The following SLC22A11 variants were observed in gnomAD, a reference collection of about 807,000 sequenced individuals.
SLC22A11 encodes organic anion transporter 4.
In SLC22A11, 42 loss-of-function variants were observed where a neutral mutation model predicts 49.4. That is an observed-to-expected ratio of 0.85 (90% CI 0.66 to 1.10). SLC22A11 has a LOEUF of 1.10. SLC22A11 is among the 50% of genes least tolerant of loss of function. SLC22A11 has a pLI of 0.00. For synonymous variants in SLC22A11, 304 were observed against 315.8 expected, an observed-to-expected ratio of 0.96 and a Z score of 0.40; for missense variants, 685 against 731.6, an observed-to-expected ratio of 0.94 and a Z score of 0.74.
chr11:64,562,388 C>T lies in SLC22A11; in HGVS notation c.774C>T (p.Leu258=). ...TTGCCCTGCGGGACTGGAGGACTCT[C>T]CAGCTGGCAGCATCAGTGCCCTTCT... ...LAFALRDWRT[L]QLAASVPFFA... Residue 258 remains leucine (L), a synonymous_variant, in exon 4 of 10, where the codon CTC becomes CTT. Transcript: ENST00000301891. This position sits in a 1 kb window ranked among gnomAD's most constrained non-coding sequence, Gnocchi z 4.4. 1.2e-6 allele frequency: 2 copies of T among 1,605,860 alleles called. No homozygotes were observed. Among genetic ancestry groups the T allele is most frequent in the Non-Finnish European group, 1.7e-6 (2 of 1,175,708 alleles).
chr11:64,568,714 T>A lies in SLC22A11; in HGVS notation c.1318T>A (p.Cys440Ser). 1 of 1,614,094 alleles carries A rather than the reference T, an allele frequency of 6.2e-7. No individual in the cohort carries two copies. Residue 440 changes from cysteine to serine, a missense_variant, in exon 8 of 10, where the codon TGT becomes AGT. Cys to Ser is a moderately radical substitution (Grantham distance 112). Coordinates refer to ENST00000301891, the MANE Select transcript of SLC22A11 (RefSeq NM_018484.4). The part of the protein sequence containing the change: ...RVVFAVLGKG[C>S]FGISLTCLTI... Reference sequence around the variant, plus strand: ...GGTCTTTGCTGTGCTGGGAAAGGGATGTTTTGGGATAAGCCTAACCTGCCT... The same window carrying A: ...GGTCTTTGCTGTGCTGGGAAAGGGAAGTTTTGGGATAAGCCTAACCTGCCT...
chr11:64,568,579 C>A, intron 7 of SLC22A11, 91 bp from the exon 8 acceptor site: 1 of 1,033,180 alleles, frequency 9.7e-7, no homozygotes, highest in East Asian at 2.4e-5. Flanking sequence ...AGCCCAGGGT[C>A]CCCTCTGCTC....
chr11:64,556,195 C>T lies in SLC22A11; in HGVS notation c.196C>T (p.Pro66Ser). ...NGSAVSTNMT[P>S]KALLTISIPP... ...CTCTGCGGTTTCCACAAACATGACC[C>T]CCAAGGCCCTTCTGACCATCTCCAT... is the stretch of plus-strand genomic sequence containing the variant. The change falls in exon 1 of 10, where the codon CCC becomes TCC. Residue 66 changes from proline (P) to serine (S), a missense_variant. Transcript: ENST00000301891. The T allele has an allele frequency of 1.2e-6, 2 of 1,614,192 alleles. No individual in the cohort carries two copies. Among genetic ancestry groups the T allele is most frequent in the Non-Finnish European group, 1.7e-6 (2 of 1,180,042 alleles).
chr11:64,561,958 C>T (rs533095376), intron 2 of SLC22A11, 46 bp from the exon 3 acceptor site: 6 of 1,570,902 alleles, frequency 3.8e-6, no homozygotes, highest in Non-Finnish European at 5.2e-6. Flanking sequence ...TATCCACGTC[C>T]TCAGGGGCCC....
Position 64,571,313 on chromosome 11 carries a change from G to A in SLC22A11, c.*271G>A, listed in dbSNP as rs1265999051. On this transcript the variant is annotated 3_prime_UTR_variant, in exon 10 of 10. Transcript: ENST00000301891. ...GATGGCCATGCCCAACCAATAACGA[G>A]ACGGTTCCCCTCCCTTTCCCTGCCA... 1 of 457,788 alleles carries A rather than the reference G, an allele frequency of 2.2e-6. No individual in the cohort carries two copies. The highest frequency in any genetic ancestry group is 3.7e-5 in the East Asian group (1 of 27,060). The allele number at this position is 457,788 out of a possible 1,614,324, so 28.4% of individuals were successfully genotyped here.
At position 64,571,150 on chromosome 11, in the gene SLC22A11, G is replaced by A; in HGVS notation, c.*108G>A. The A allele has an allele frequency of 7.9e-7, 1 of 1,259,420 alleles. No individual in the cohort carries two copies. The highest frequency in any genetic ancestry group is 1.1e-6 in the Non-Finnish European group (1 of 871,702). The allele number at this position is 1,259,420 out of a possible 1,614,324, so 78.0% of individuals were successfully genotyped here. ...TTGGGCGACTTCAAGGGCCTGGCAT[G>A]GCAGAGGCCAGGCAGCCGTGGCCGA... On this transcript the variant is annotated 3_prime_UTR_variant, in exon 10 of 10. Transcript: ENST00000301891.
chr11:64,556,375 T>C lies in SLC22A11; in HGVS notation c.376T>C (p.Ser126Pro). ...GGTCTATGACCGCAGCGTCTTCACC[T>C]CCACCATCGTGGCCAAGGTAGGGCC... ...GWVYDRSVFT[S>P]TIVAKWDLVC... The change falls in exon 1 of 10, where the codon TCC (serine) becomes CCC (proline). Residue 126 changes from serine to proline, a missense_variant. By Grantham distance (74) the Ser-to-Pro change is moderately conservative. Transcript: ENST00000301891. The C allele has an allele frequency of 6.2e-7, 1 of 1,611,392 alleles. No individual in the cohort carries two copies. Among genetic ancestry groups the C allele is most frequent in the Non-Finnish European group, 8.5e-7 (1 of 1,179,984 alleles).
chr11:64,561,587 C>T (rs538703479), intron 2 of SLC22A11, among the ~76,000 whole-genome samples: 5 of 152,002 alleles, frequency 3.3e-5, no homozygotes, highest in African/African-American at 7.2e-5. Context: ...TAGCTGGGAC[C>T]GCAGACACCT....
chr11:64,559,079 C>A, intron 1 of SLC22A11, 56 bp from the exon 2 acceptor site: 3 of 1,503,972 alleles, frequency 2.0e-6, no homozygotes, highest in Non-Finnish European at 2.8e-6. Flanking sequence ...CTCGGCCGTG[C>A]CCAGCCCTGT....
chr11:64,570,153 A>G (rs1215972014), intron 9 of SLC22A11, among the ~76,000 whole-genome samples: 1 of 152,248 alleles, frequency 6.6e-6, no homozygotes, highest in Non-Finnish European at 1.5e-5. Flanking sequence ...GCCTGGGCCC[A>G]CGTTCCCCAC....
At chr11:64,566,246 AG>A (rs958702847) in intron 6 of SLC22A11, 1 of 151,544 alleles carries the variant, frequency 6.6e-6, no homozygotes, top group African/African-American at 2.4e-5. Flanking sequence ...ATTCCGTCAA[AG>A]GAAAAAAAAA....
rs3782100 is a variant in SLC22A11, at chr11:64,560,067, G to A, written c.497+829G>A. On this transcript the variant is annotated intron_variant, in intron 2 of 9. Coordinates refer to ENST00000301891, the MANE Select transcript of SLC22A11 (RefSeq NM_018484.4). ...AGCTGAGCTGCTGATTCCTTGCCACGCCCCCTCACTCCCCCAGCAGCCTCC... is the reference window on the plus strand; with the variant it reads ...AGCTGAGCTGCTGATTCCTTGCCACACCCCCTCACTCCCCCAGCAGCCTCC... 2.3e-5 allele frequency among the ~76,000 whole-genome samples: 3 copies of A among 130,764 alleles called. No individual in the cohort carries two copies. In the East Asian group the frequency reaches 6.5e-4, roughly 29 times the overall value. 85.8% of individuals were successfully genotyped at this position (130,764 alleles called of 152,430 possible).
chr11:64,568,250 G>A (rs988036699), intron 7 of SLC22A11, among the ~76,000 whole-genome samples: 2 of 152,232 alleles, frequency 1.3e-5, no homozygotes, highest in African/African-American at 2.4e-5. Flanking sequence ...CCAAAAGGGG[G>A]CCCGGACCTC....
rs76078067 is a variant in SLC22A11 at position 64,556,901 on chromosome 11, C to T, written c.393+509C>T. 2.0e-3 allele frequency among the ~76,000 whole-genome samples: 301 copies of T among 152,244 alleles called. 4 individuals are homozygous for T. Among genetic ancestry groups the T allele is most frequent in the Middle Eastern group, 0.017 (5 of 294 alleles). On this transcript the variant is annotated intron_variant, in intron 1 of 9. Coordinates refer to ENST00000301891, the MANE Select transcript of SLC22A11 (RefSeq NM_018484.4). ...GCTAAAACTGGATTTTATGAGGAAG[C>T]GCCAGATGGGCCCAGGAGAAGGCTC...
intron 7 of SLC22A11, among the ~76,000 whole-genome samples, chr11:64,568,424 G>A (rs1591377068): frequency 6.6e-6 from 1 of 152,338 alleles, no homozygotes; most frequent in African/African-American, 2.4e-5. Context: ...CTCCACGGCC[G>A]GCCAGGCTCA....
Position 64,562,385 on chromosome 11 carries a change from T to C in SLC22A11, c.771T>C (p.Thr257=), listed in dbSNP as rs1320923083. 1 of 1,605,978 alleles carries C rather than the reference T, an allele frequency of 6.2e-7. No individual in the cohort carries two copies. ...CCTTTGCCCTGCGGGACTGGAGGAC[T>C]CTCCAGCTGGCAGCATCAGTGCCCT... The part of the protein sequence containing the change: ...GLAFALRDWR[T]LQLAASVPFF... Residue 257 remains threonine (T), a synonymous_variant, in exon 4 of 10, where the codon ACT becomes ACC. Transcript: ENST00000301891. The surrounding 1 kb of genome is among the most constrained non-coding windows in gnomAD (Gnocchi z 4.4).
Position 64,565,310 on chromosome 11 carries a change from G to A in SLC22A11, c.1031G>A (p.Trp344Ter). The change falls in exon 6 of 10, where the codon TGG becomes TAG. Residue 344 changes from tryptophan (W) to a stop codon, truncating the protein, a stop_gained. Transcript: ENST00000301891. LOFTEE classifies it high-confidence loss of function. The surrounding 1 kb of genome is among the most constrained non-coding windows in gnomAD (Gnocchi z 4.1). The stretch of plus-strand genomic sequence containing the variant: ...CTGTTCTGCGTGCCCGTGCTCCGCT[G>A]GAGGAGCTGCGCCATGCTGGTGGTG... Reference protein sequence around the residue: ...LDLFCVPVLRWRSCAMLVVNF... With the variant: ...LDLFCVPVLR 6.4e-7 allele frequency: 1 copy of A among 1,550,392 alleles called. No homozygotes were observed. Among genetic ancestry groups the A allele is most frequent in the Non-Finnish European group, 8.7e-7 (1 of 1,147,254 alleles).
In SLC22A11 at chr11:64,572,477, TG is replaced by T. The variant is rs2038716948; in HGVS notation, c.*1438del. On this transcript the variant is annotated 3_prime_UTR_variant, in exon 10 of 10. Coordinates refer to ENST00000301891, the MANE Select transcript of SLC22A11 (RefSeq NM_018484.4). ...ATGCCCTTCCCTGGAGACCCCACTC[TG>T]GGCCACCTCAATCTCAGGCCCCTCA... The T allele has an allele frequency of 6.6e-6, 1 of 152,446 alleles. No homozygotes were observed. Among genetic ancestry groups the T allele is most frequent in the Non-Finnish European group, 1.5e-5 (1 of 68,208 alleles). 9.4% of individuals were successfully genotyped at this position (152,446 alleles called of 1,614,324 possible). A position where few individuals can be genotyped will look rare whatever the true frequency, so the allele number is the denominator to read the frequency against.
intron 4 of SLC22A11, among the ~76,000 whole-genome samples, chr11:64,563,364 A>C (rs1591374440): frequency 6.6e-6 from 1 of 152,080 alleles, no homozygotes; most frequent in Admixed American, 6.6e-5. Flanking sequence ...AAGGTCACAC[A>C]CAGCCGGTGA....
Sources: allele counts gnomAD v4.1 joint callset (sites outside exome capture counted in the v4.1 genomes callset), GRCh38; gene constraint gnomAD v4.1.1; non-coding constraint Gnocchi (gnomAD v3.1); transcripts MANE v1.5; gene names NCBI Gene and HGNC (gene_info 2026-07-23, HGNC 2026-07-21).